CALN1: variants seen among roughly 807,000 people sequenced by gnomAD.
CALN1 encodes calcium-binding protein 8.
CALN1 carries 17 observed loss-of-function variants against 30.6 expected under a neutral mutation model. The ratio of observed to expected loss-of-function variants is 0.56; its 90% CI spans 0.38 to 0.83. The LOEUF (loss-of-function observed/expected upper bound fraction) is 0.83. CALN1 is among the 40% of genes least tolerant of loss of function. The pLI is 0.00. For synonymous variants in CALN1, 156 were observed against 131.4 expected, an observed-to-expected ratio of 1.19 and a Z score of -1.28; for missense variants, 291 against 354.9, an observed-to-expected ratio of 0.82 and a Z score of 1.45.
At chr7:72,446,788 C>T (rs1251146173) in intron 1 of CALN1, among the ~76,000 whole-genome samples, 1 of 152,168 alleles carries the variant, frequency 6.6e-6, no homozygotes, top group African/African-American at 2.4e-5. Flanking sequence ...ACCACTTTGA[C>T]AGCTGGGTGA....
At chr7:72,092,025 T>C (rs907044570) in intron 4 of CALN1, among the ~76,000 whole-genome samples, 1 of 152,224 alleles carries the variant, frequency 6.6e-6, no homozygotes, top group African/African-American at 2.4e-5. Flanking sequence ...GATATTCAAG[T>C]GCATTAATAT....
At chr7:72,154,646 A>C (rs1254839710) in intron 3 of CALN1, among the ~76,000 whole-genome samples, 1 of 152,054 alleles carries the variant, frequency 6.6e-6, no homozygotes, top group African/African-American at 2.4e-5. Context: ...ACTAAAACTC[A>C]GATGTTGAAG....
At chr7:72,223,470 C>T (rs1488710019) in intron 3 of CALN1, among the ~76,000 whole-genome samples, 1 of 152,046 alleles carries the variant, frequency 6.6e-6, no homozygotes, top group Non-Finnish European at 1.5e-5. Flanking sequence ...AAAAAGGAAC[C>T]AAGTGGCTTC....
intron 4 of CALN1, among the ~76,000 whole-genome samples, chr7:72,060,193 G>A (rs1260727702): frequency 6.6e-6 from 1 of 152,126 alleles, no homozygotes; most frequent in Non-Finnish European, 1.5e-5. Context: ...ATTTCTTCAT[G>A]CCTCAACCCA....
intron 3 of CALN1, among the ~76,000 whole-genome samples, chr7:72,158,662 T>C (rs1173087208): frequency 6.6e-6 from 1 of 152,136 alleles, no homozygotes; most frequent in Non-Finnish European, 1.5e-5. Flanking sequence ...ATCCCTCTTC[T>C]TTGCTTGATG....
chr7:72,455,709 G>A, the CALN1 span, among the ~76,000 whole-genome samples: 3 of 152,198 alleles, frequency 2.0e-5, no homozygotes, highest in Admixed American at 2.0e-4. Flanking sequence ...TGTTGATGAG[G>A]TGATGGAGGC....
intron 5 of CALN1, among the ~76,000 whole-genome samples, chr7:71,863,476 T>C (rs1271531665): frequency 7.1e-6 from 1 of 141,358 alleles, no homozygotes; most frequent in East Asian, 2.1e-4. Context: ...GAGAATTGCT[T>C]GAACCTGGGA....
chr7:72,303,786 G>A lies in CALN1; in HGVS notation c.120-24976C>T, dbSNP rs150120906. The stretch of plus-strand genomic sequence containing the variant: ...ACACTTTGGGAGGCCGAGGCAGGAG[G>A]ATCCCTTGAGCCCAGGAGATCAAGG... On this transcript the variant is annotated intron_variant, in intron 2 of 6. Coordinates refer to ENST00000395275, the MANE Select transcript of CALN1 (RefSeq NM_031468.4). 6.1e-3 allele frequency among the ~76,000 whole-genome samples: 927 copies of A among 152,174 alleles called. 4 individuals are homozygous for A. The highest frequency in any genetic ancestry group is 9.7e-3 in the Non-Finnish European group (658 of 67,996).
intron 3 of CALN1, among the ~76,000 whole-genome samples, chr7:72,169,535 C>G (rs1455823383): frequency 6.7e-6 from 1 of 150,248 alleles, no homozygotes; most frequent in African/African-American, 2.5e-5. Flanking sequence ...GTTGCCCAGG[C>G]TGGTCCTGAA....
intron 3 of CALN1, among the ~76,000 whole-genome samples, chr7:72,144,762 T>A (rs920096987): frequency 2.8e-4 from 43 of 152,086 alleles, no homozygotes; most frequent in Admixed American, 2.4e-3. Context: ...ACAGAAATTA[T>A]AACAAACTGT....
intron 2 of CALN1, among the ~76,000 whole-genome samples, chr7:72,391,992 T>C (rs987069570): frequency 6.6e-6 from 1 of 152,222 alleles, no homozygotes; most frequent in Non-Finnish European, 1.5e-5. Context: ...CCCTAGAGTA[T>C]GGCAGAAGCA....
At chr7:72,221,782 C>T (rs4317470) in intron 3 of CALN1, among the ~76,000 whole-genome samples, 27,148 of 151,236 alleles carry the variant, frequency 0.18, 3,291 homozygotes, top group East Asian at 0.43. Flanking sequence ...CCCAGCAACT[C>T]AGGAGGTTGA....
intron 2 of CALN1, among the ~76,000 whole-genome samples, chr7:72,299,021 C>T (rs1233759759): frequency 6.6e-6 from 1 of 152,028 alleles, no homozygotes; most frequent in Admixed American, 6.6e-5. Flanking sequence ...TGAAAATGAA[C>T]TAATACAATC....
chr7:71,925,828 T>C (rs1795241275), intron 5 of CALN1, among the ~76,000 whole-genome samples: 1 of 152,134 alleles, frequency 6.6e-6, no homozygotes. Flanking sequence ...CTGCAATTCC[T>C]GGTGTCATCC....
At chr7:72,182,861 C>T (rs1789918649) in intron 3 of CALN1, among the ~76,000 whole-genome samples, 1 of 151,352 alleles carries the variant, frequency 6.6e-6, no homozygotes, top group African/African-American at 2.4e-5. Context: ...ATATGGACAA[C>T]TGTGACAGGT....
At chr7:71,825,850 C>G (rs988474236) in intron 5 of CALN1, among the ~76,000 whole-genome samples, 1 of 151,634 alleles carries the variant, frequency 6.6e-6, no homozygotes, top group Non-Finnish European at 1.5e-5. Context: ...CTGACCAACA[C>G]GGTGAAACCC....
chr7:72,113,501 C>A (rs991149404), intron 3 of CALN1, among the ~76,000 whole-genome samples: 1 of 152,198 alleles, frequency 6.6e-6, no homozygotes, highest in Non-Finnish European at 1.5e-5. Context: ...TATAGCAACA[C>A]AAAACAGACT....
At chr7:72,253,140 T>A (rs1006296116) in intron 3 of CALN1, among the ~76,000 whole-genome samples, 6 of 152,226 alleles carry the variant, frequency 3.9e-5, no homozygotes, top group African/African-American at 1.4e-4. Flanking sequence ...CCTCAGAGGC[T>A]GGACCTCTGT....
chr7:72,498,913 G>A, the CALN1 span, among the ~76,000 whole-genome samples: 1 of 151,552 alleles, frequency 6.6e-6, no homozygotes, highest in Non-Finnish European at 1.5e-5. Flanking sequence ...ATCAATTTAA[G>A]ATAAATTGAC....
Sources: allele counts gnomAD v4.1 joint callset (sites outside exome capture counted in the v4.1 genomes callset), GRCh38; gene constraint gnomAD v4.1.1; transcripts MANE v1.5; gene names NCBI Gene and HGNC (gene_info 2026-07-23, HGNC 2026-07-21).